Variants in PARD3 observed in about 807,000 individuals in gnomAD.
The protein encoded by PARD3 is par-3 family cell polarity regulator, also known as partitioning defective 3 homolog.
A neutral mutation model predicts 155.4 loss-of-function variants in PARD3; 75 were observed. The ratio of observed to expected loss-of-function variants is 0.48; its 90% CI spans 0.40 to 0.58. PARD3 has a LOEUF of 0.58. Ranked by LOEUF, PARD3 falls within the 20% of genes least tolerant of loss-of-function variation. PARD3 has a pLI of 0.00. For missense variants in PARD3, 1,642 were observed against 1,721.7 expected (o/e 0.95, Z 0.82); for synonymous variants, 576 against 610.5 (o/e 0.94, Z 0.83).
chr10:34,306,426 G>A (rs1018629802), intron 20 of PARD3, among the ~76,000 whole-genome samples: 2 of 152,020 alleles, frequency 1.3e-5, no homozygotes, highest in Admixed American at 1.3e-4. Flanking sequence ...CCAAGGCAGG[G>A]GGATCACAAG....
At chr10:34,580,720 C>G (rs1334845977) in intron 2 of PARD3, among the ~76,000 whole-genome samples, 1 of 152,184 alleles carries the variant, frequency 6.6e-6, no homozygotes, top group Non-Finnish European at 1.5e-5. Flanking sequence ...AAACTGTGAT[C>G]AAGCTTGGTC....
At chr10:34,479,531 G>T (rs147004143) in intron 3 of PARD3, among the ~76,000 whole-genome samples, 3 of 151,980 alleles carry the variant, frequency 2.0e-5, no homozygotes, top group African/African-American at 7.2e-5. Flanking sequence ...CAATGTCAAG[G>T]CCTGCCGCAA....
chr10:34,489,898 G>A (rs970423966), intron 3 of PARD3, among the ~76,000 whole-genome samples: 2 of 152,132 alleles, frequency 1.3e-5, no homozygotes, highest in Non-Finnish European at 2.9e-5. Flanking sequence ...TATTTTACAG[G>A]TATGAAGACT....
intron 2 of PARD3, among the ~76,000 whole-genome samples, chr10:34,601,079 C>G (rs564062207): frequency 2.7e-3 from 405 of 147,748 alleles, no homozygotes; most frequent in Non-Finnish European, 5.1e-3. Context: ...CCAAAGTGCA[C>G]GCATTACAGG....
intron 5 of PARD3, among the ~76,000 whole-genome samples, chr10:34,449,371 C>A (rs1325734150): frequency 6.8e-6 from 1 of 147,996 alleles, no homozygotes; most frequent in African/African-American, 2.5e-5. Flanking sequence ...CACTGGGATT[C>A]CCTACTACAA....
intron 22 of PARD3, among the ~76,000 whole-genome samples, chr10:34,226,489 G>T (rs1267417711): frequency 6.6e-6 from 1 of 152,232 alleles, no homozygotes; most frequent in African/African-American, 2.4e-5. Flanking sequence ...GGCAGAGGTT[G>T]CTGTGAGCCA....
At chr10:34,791,380 C>T (rs762830609) in intron 1 of PARD3, among the ~76,000 whole-genome samples, 1 of 152,198 alleles carries the variant, frequency 6.6e-6, no homozygotes, top group Non-Finnish European at 1.5e-5. Flanking sequence ...CAGCATCCCA[C>T]TGTGGGCAGC....
At chr10:34,523,922 C>A (rs922722867) in intron 2 of PARD3, among the ~76,000 whole-genome samples, 18 of 152,100 alleles carry the variant, frequency 1.2e-4, no homozygotes, top group Non-Finnish European at 1.9e-4. Context: ...CATTTAAATT[C>A]TTCTGCCCTT....
At chr10:34,434,043 T>C (rs988602116) in intron 5 of PARD3, among the ~76,000 whole-genome samples, 4 of 152,116 alleles carry the variant, frequency 2.6e-5, no homozygotes, top group African/African-American at 4.8e-5. Context: ...GTGCCTCACA[T>C]TGGTTTTGGC....
At chr10:34,768,646 T>C (rs1838435397) in intron 1 of PARD3, among the ~76,000 whole-genome samples, 1 of 152,224 alleles carries the variant, frequency 6.6e-6, no homozygotes, top group African/African-American at 2.4e-5. Context: ...CCAAGATTTA[T>C]TTTCCTTTCA....
At chr10:34,210,395 C>T (rs1402968341) in intron 22 of PARD3, among the ~76,000 whole-genome samples, 2 of 152,090 alleles carry the variant, frequency 1.3e-5, no homozygotes, top group African/African-American at 4.8e-5. Flanking sequence ...ACATACTTTG[C>T]GTGTGGATGT....
At chr10:34,712,094 C>T (rs2094457199) in intron 1 of PARD3, among the ~76,000 whole-genome samples, 1 of 152,124 alleles carries the variant, frequency 6.6e-6, no homozygotes, top group Non-Finnish European at 1.5e-5. Flanking sequence ...TACTCATACC[C>T]CAGAAAAAAG....
chr10:34,489,422 T>C (rs1221641352), intron 3 of PARD3, among the ~76,000 whole-genome samples: 1 of 152,222 alleles, frequency 6.6e-6, no homozygotes, highest in East Asian at 1.9e-4. Context: ...AGCTTTATTT[T>C]CTACAGGGGG....
intron 2 of PARD3, among the ~76,000 whole-genome samples, chr10:34,577,596 T>C (rs1467403113): frequency 6.6e-6 from 1 of 152,148 alleles, no homozygotes; most frequent in Admixed American, 6.6e-5. Context: ...CACCTTTCCT[T>C]CTGTCTAAAT....
At chr10:34,806,486 G>A (rs181537432) in intron 1 of PARD3, among the ~76,000 whole-genome samples, 10 of 152,150 alleles carry the variant, frequency 6.6e-5, no homozygotes, top group African/African-American at 2.2e-4. Flanking sequence ...ACCACACCCG[G>A]CCTATGCCTG....
intron 18 of PARD3, 130 bp downstream of exon 18, chr10:34,336,069 C>T (rs1004170052): frequency 1.6e-6 from 1 of 631,908 alleles, no homozygotes; most frequent in African/African-American, 1.9e-5. Flanking sequence ...AATTCAATTT[C>T]TCACAATGAA....
intron 1 of PARD3, among the ~76,000 whole-genome samples, chr10:34,756,222 C>T (rs1836711311): frequency 1.4e-5 from 2 of 141,732 alleles, no homozygotes; most frequent in Admixed American, 1.5e-4. Flanking sequence ...GGCACGATCT[C>T]AGCTCACTGC....
At chr10:34,393,820 AG>A (rs1349941544) in intron 7 of PARD3, among the ~76,000 whole-genome samples, 1 of 150,010 alleles carries the variant, frequency 6.7e-6, no homozygotes, top group Non-Finnish European at 1.5e-5. Flanking sequence ...ATGAAGCCCA[AG>A]TAAGAATAGT....
intron 2 of PARD3, among the ~76,000 whole-genome samples, chr10:34,626,672 C>T (rs1003567110): frequency 2.6e-5 from 4 of 152,160 alleles, no homozygotes; most frequent in African/African-American, 9.7e-5. Context: ...TATTTGGATG[C>T]AAACATCTGA....
Sources: gnomAD v4.1 joint callset for allele counts (sites outside exome capture counted in the v4.1 genomes callset) on GRCh38, gnomAD v4.1.1 for gene constraint, MANE v1.5 for transcripts, NCBI Gene and HGNC (gene_info 2026-07-23, HGNC 2026-07-21) for gene names.